Variants in SMURF2 observed in about 807,000 individuals in gnomAD.
The protein encoded by SMURF2 is SMAD specific E3 ubiquitin protein ligase 2, also known as E3 ubiquitin-protein ligase SMURF2.
In SMURF2, 48 loss-of-function variants were observed where a neutral mutation model predicts 109.6. The ratio of observed to expected loss-of-function variants is 0.44; its 90% CI spans 0.35 to 0.56. The LOEUF (loss-of-function observed/expected upper bound fraction) is 0.56, where lower values mean the gene tolerates loss of function less well. Ranked by LOEUF, SMURF2 falls within the 20% of genes least tolerant of loss-of-function variation. The pLI, the probability that SMURF2 is intolerant of heterozygous loss-of-function variation, is 0.01. For missense variants in SMURF2, 575 were observed against 909.0 expected (o/e 0.63, Z 4.72); for synonymous variants, 288 against 317.1 (o/e 0.91, Z 0.97).
chr17:64,571,183 G>C (rs1386647808), intron 10 of SMURF2, among the ~76,000 whole-genome samples: 10 of 152,010 alleles, frequency 6.6e-5, no homozygotes, highest in Admixed American at 2.6e-4. Flanking sequence ...GTATTACAAT[G>C]GCAACACAAA....
Position 64,544,312 on chromosome 17 carries a change from A to T in SMURF2, c.*1536T>A, listed in dbSNP as rs1968914747. On this transcript the variant is annotated 3_prime_UTR_variant, in exon 19 of 19. Coordinates refer to ENST00000262435, the MANE Select transcript of SMURF2 (RefSeq NM_022739.4). The stretch of plus-strand genomic sequence containing the variant: ...ATTACTCCTGAGGCACCCCTGAGGA[A>T]CCCTTTGGCTCCAAGAACACAGACT... 6.6e-6 allele frequency: 1 copy of T among 152,110 alleles called. No homozygotes were observed. The highest frequency in any genetic ancestry group is 2.4e-5 in the African/African-American group (1 of 41,416). The allele number at this position is 152,110 out of a possible 1,614,324, so 9.4% of individuals were successfully genotyped here. A position where few individuals can be genotyped will look rare whatever the true frequency, so the allele number is the denominator to read the frequency against.
chr17:64,547,102 C>A lies in SMURF2; in HGVS notation c.2071+498G>T, dbSNP rs1968967651. Among the ~76,000 whole-genome samples, 1 of 152,140 alleles carries A rather than the reference C, an allele frequency of 6.6e-6. No individual in the cohort carries two copies. Among genetic ancestry groups the A allele is most frequent in the South Asian group, 2.1e-4 (1 of 4,834 alleles). ...TTAACCAGCTTATTCCACAGAAAACCATTCTTAAAAAAGGAATATGGTTGT... is the reference window on the plus strand; with the variant it reads ...TTAACCAGCTTATTCCACAGAAAACAATTCTTAAAAAAGGAATATGGTTGT... On this transcript the variant is annotated intron_variant, in intron 17 of 18. Transcript: ENST00000262435. The surrounding 1 kb of genome is among the most constrained non-coding windows in gnomAD (Gnocchi z 4.2).
chr17:64,562,073 T>C (rs1356963378), intron 11 of SMURF2, among the ~76,000 whole-genome samples: 1 of 151,806 alleles, frequency 6.6e-6, no homozygotes, highest in African/African-American at 2.4e-5. Context: ...GGCGGGCATA[T>C]CACGAGGTCA....
intron 1 of SMURF2, among the ~76,000 whole-genome samples, chr17:64,630,860 T>C (rs1238832255): frequency 6.6e-6 from 1 of 152,078 alleles, no homozygotes; most frequent in Middle Eastern, 3.2e-3. Context: ...AGCACTCAAT[T>C]ATCTCTAGGG....
intron 1 of SMURF2, among the ~76,000 whole-genome samples, chr17:64,625,689 C>T (rs1246967385): frequency 3.3e-5 from 5 of 152,120 alleles, no homozygotes; most frequent in African/African-American, 9.7e-5. Context: ...TAAAATACAC[C>T]GCTGAGTCCT....
At position 64,568,828 on chromosome 17, in the gene SMURF2, T is replaced by G. The variant is rs138587828; in HGVS notation, c.1016+2970A>C. Among the ~76,000 whole-genome samples, 515 of 150,534 alleles carry G rather than the reference T, an allele frequency of 3.4e-3. 4 individuals carry two copies. The highest frequency in any genetic ancestry group is 0.012 in the African/African-American group (490 of 40,826). On this transcript the variant is annotated intron_variant, in intron 10 of 18. Coordinates refer to ENST00000262435, the MANE Select transcript of SMURF2 (RefSeq NM_022739.4). ...ACCAGCCTGGCTAACACGGTGAAAC[T>G]TCGTCTCTACTAAAAATACAAAAAT...
In SMURF2 at chr17:64,581,105, T is replaced by A; in HGVS notation, c.570-114A>T. ...CCACTTATCATGTCTGAAAACAGAA[T>A]GACTAATACAAGTATAATGACTTCA... On this transcript the variant is annotated intron_variant, in intron 7 of 18. Transcript: ENST00000262435. The surrounding 1 kb of genome is among the most constrained non-coding windows in gnomAD (Gnocchi z 4.3). 1 of 915,738 alleles carries A rather than the reference T, an allele frequency of 1.1e-6. No homozygotes were observed. The highest frequency in any genetic ancestry group is 1.7e-6 in the Non-Finnish European group (1 of 601,058). The allele number at this position is 915,738 out of a possible 1,614,324, so 56.7% of individuals were successfully genotyped here.
At chr17:64,558,790 C>T (rs1475413202) in intron 12 of SMURF2, among the ~76,000 whole-genome samples, 3 of 152,138 alleles carry the variant, frequency 2.0e-5, no homozygotes, top group African/African-American at 7.2e-5. Context: ...TAATTTGTTA[C>T]TCACTTTGGA....
intron 3 of SMURF2, among the ~76,000 whole-genome samples, chr17:64,597,997 TG>T (rs782023591): frequency 5.5e-4 from 84 of 152,212 alleles, no homozygotes; most frequent in Middle Eastern, 6.8e-3. Context: ...TATACTCCAA[TG>T]GTTTAAAATA....
chr17:64,561,598 T>C lies in SMURF2; in HGVS notation c.1218A>G (p.Ser406=). The change falls in exon 12 of 19, where the codon TCA becomes TCG. Residue 406 remains serine (S), a synonymous_variant. Coordinates refer to ENST00000262435, the MANE Select transcript of SMURF2 (RefSeq NM_022739.4). The part of the protein sequence containing the change: ...EVSREEIFEE[S]YRQVMKMRPK... ...GTCTCATTTTCATGACCTGTCGATATGATTCCTGAAAAAAATAATTTTTAA... is the reference window on the plus strand; with the variant it reads ...GTCTCATTTTCATGACCTGTCGATACGATTCCTGAAAAAAATAATTTTTAA... 1 of 1,610,192 alleles carries C rather than the reference T, an allele frequency of 6.2e-7. No homozygotes were observed. Among genetic ancestry groups the C allele is most frequent in the Non-Finnish European group, 8.5e-7 (1 of 1,178,828 alleles).
Position 64,593,580 on chromosome 17 carries a change from A to AAC in SMURF2, c.201-9_201-8dup. Reference sequence around the variant, plus strand: ...ATCAGACTTTCCAATATACCTAAAAAACAAAACGGCTGCATGAGTAACTTG... The same window carrying AAC: ...ATCAGACTTTCCAATATACCTAAAAAACACAAAACGGCTGCATGAGTAACTTG... On this transcript the variant is annotated splice_region_variant and splice_polypyrimidine_tract_variant and intron_variant, in intron 3 of 18. Transcript: ENST00000262435. 1.3e-6 allele frequency: 2 copies of AAC among 1,527,748 alleles called. No homozygotes were observed. The highest frequency in any genetic ancestry group is 1.8e-6 in the Non-Finnish European group (2 of 1,131,104). The allele number at this position is 1,527,748 out of a possible 1,614,324, so 94.6% of individuals were successfully genotyped here. A position where few individuals can be genotyped will look rare whatever the true frequency, so the allele number is the denominator to read the frequency against.
chr17:64,654,008 A>T (rs1297576646), intron 1 of SMURF2, among the ~76,000 whole-genome samples: 1 of 152,204 alleles, frequency 6.6e-6, no homozygotes, highest in Non-Finnish European at 1.5e-5. Context: ...TTTACTCAAA[A>T]TCCTAGAAAA....
At chr17:64,617,392 T>G (rs1353150864) in intron 1 of SMURF2, among the ~76,000 whole-genome samples, 1 of 152,196 alleles carries the variant, frequency 6.6e-6, no homozygotes, top group African/African-American at 2.4e-5. Flanking sequence ...TGATGATGTA[T>G]TAAAAGATAC....
intron 1 of SMURF2, among the ~76,000 whole-genome samples, chr17:64,632,802 T>C (rs1970368402): frequency 6.6e-6 from 1 of 152,242 alleles, no homozygotes; most frequent in Non-Finnish European, 1.5e-5. Flanking sequence ...AGAGAAGGGC[T>C]GTGAGCCCTT....
intron 1 of SMURF2, among the ~76,000 whole-genome samples, chr17:64,612,183 G>A (rs1970053924): frequency 6.6e-6 from 1 of 152,032 alleles, no homozygotes; most frequent in Admixed American, 6.6e-5. Flanking sequence ...TGCGGAGGTG[G>A]TAAACTCCAT....
chr17:64,588,611 G>T lies in SMURF2; in HGVS notation c.401-2441C>A, dbSNP rs571453260. Among the ~76,000 whole-genome samples the T allele has an allele frequency of 1.9e-3, 289 of 151,324 alleles. 3 individuals are homozygous for T. Among genetic ancestry groups the T allele is most frequent in the African/African-American group, 6.8e-3 (280 of 41,118 alleles). On this transcript the variant is annotated intron_variant, in intron 5 of 18. Coordinates refer to ENST00000262435, the MANE Select transcript of SMURF2 (RefSeq NM_022739.4). ...ACTAGAGGGGAATACAGTTTTTTTT[G>T]TTTGTTTTTTGTTTTTTTGTTTTTT...
chr17:64,580,295 CAT>C (rs1338943427), intron 8 of SMURF2, among the ~76,000 whole-genome samples: 1 of 152,164 alleles, frequency 6.6e-6, no homozygotes, highest in East Asian at 1.9e-4. Context: ...TTTATACAAA[CAT>C]AGAAGTGACT....
intron 5 of SMURF2, among the ~76,000 whole-genome samples, chr17:64,589,080 G>C (rs550258815): frequency 1.3e-5 from 2 of 152,236 alleles, no homozygotes; most frequent in South Asian, 2.1e-4. Flanking sequence ...CATAATGTTT[G>C]AGTCCAGCCT....
intron 1 of SMURF2, among the ~76,000 whole-genome samples, chr17:64,655,750 C>T (rs1970697235): frequency 6.6e-6 from 1 of 152,058 alleles, no homozygotes; most frequent in African/African-American, 2.4e-5. Flanking sequence ...AAAAAATTAG[C>T]TGGGAGTGGT....
Sources: allele counts gnomAD v4.1 joint callset (sites outside exome capture counted in the v4.1 genomes callset), GRCh38; gene constraint gnomAD v4.1.1; non-coding constraint Gnocchi (gnomAD v3.1); transcripts MANE v1.5; gene names NCBI Gene and HGNC (gene_info 2026-07-23, HGNC 2026-07-21).